Variants in CUX2 observed in about 807,000 individuals in gnomAD.
CUX2 encodes homeobox protein cut-like 2.
A neutral mutation model predicts 144.8 loss-of-function variants in CUX2; 40 were observed. The observed-to-expected ratio is 0.28, with a 90% confidence interval of 0.21 to 0.36. CUX2 has a LOEUF of 0.36. Ranked by LOEUF, CUX2 falls within the 10% of genes least tolerant of loss-of-function variation. The probability of loss-of-function intolerance (pLI) is 1.00; values close to 1 mark genes in which losing one functional copy is unlikely to be tolerated. For missense variants in CUX2, 1,615 were observed against 1,994.0 expected, an observed-to-expected ratio of 0.81 and a Z score of 3.62; for synonymous variants, 827 against 875.6, an observed-to-expected ratio of 0.94 and a Z score of 0.98.
rs375986391 is a variant in CUX2 at position 111,068,876 on chromosome 12, C to T, written c.63+34636C>T. Among the ~76,000 whole-genome samples, 20 of 151,768 alleles carry T rather than the reference C, an allele frequency of 1.3e-4. No individual in the cohort carries two copies. The highest frequency in any genetic ancestry group is 3.6e-4 in the African/African-American group (15 of 41,298). On this transcript the variant is annotated intron_variant, in intron 1 of 21. Coordinates refer to ENST00000261726, the MANE Select transcript of CUX2 (RefSeq NM_015267.4). The surrounding 1 kb of genome is among the most constrained non-coding windows in gnomAD (Gnocchi z 4.9). ...ATCCCAGCACTTTGGGAGGCCGAGG[C>T]GGGTGGATCATTTGAGGTCAGGAGT...
intron 1 of CUX2, among the ~76,000 whole-genome samples, chr12:111,087,466 T>C (rs114638555): frequency 0.011 from 1,593 of 151,456 alleles, 35 homozygotes; most frequent in African/African-American, 0.036. Flanking sequence ...GGTGGCTTCA[T>C]CTTGATGCAA....
chr12:111,193,391 A>G (rs1321773885), intron 1 of CUX2, among the ~76,000 whole-genome samples: 2 of 152,246 alleles, frequency 1.3e-5, no homozygotes, highest in East Asian at 3.8e-4. Flanking sequence ...ACACGCTGGT[A>G]ATGGGCATAA....
Position 111,295,845 on chromosome 12 carries a change from G to T in CUX2, c.637+436G>T, listed in dbSNP as rs1270341701. Among the ~76,000 whole-genome samples the T allele has an allele frequency of 6.6e-6, 1 of 151,944 alleles. No individual in the cohort carries two copies. Among genetic ancestry groups the T allele is most frequent in the Non-Finnish European group, 1.5e-5 (1 of 67,998 alleles). ...CCGACTTAGGGGAGGCGTTGGGGAG[G>T]GGTGAGGTCTGGGGCAAACTGGAGA... is the stretch of plus-strand genomic sequence containing the variant. On this transcript the variant is annotated intron_variant, in intron 7 of 21. Coordinates refer to ENST00000261726, the MANE Select transcript of CUX2 (RefSeq NM_015267.4). The surrounding 1 kb of genome is among the most constrained non-coding windows in gnomAD (Gnocchi z 5.0).
intron 1 of CUX2, among the ~76,000 whole-genome samples, chr12:111,166,105 A>C (rs1878124715): frequency 6.6e-6 from 1 of 152,068 alleles, no homozygotes; most frequent in South Asian, 2.1e-4. Flanking sequence ...TGCAGCCTCA[A>C]CCTCCTGGGC....
At chr12:111,187,185 C>T (rs1316546000) in intron 1 of CUX2, among the ~76,000 whole-genome samples, 1 of 152,182 alleles carries the variant, frequency 6.6e-6, no homozygotes, top group Non-Finnish European at 1.5e-5. Flanking sequence ...TGGCGTTATT[C>T]GTGCTTCCTG....
chr12:111,056,132 T>C (rs1870513108), intron 1 of CUX2, among the ~76,000 whole-genome samples: 2 of 152,232 alleles, frequency 1.3e-5, no homozygotes, highest in Non-Finnish European at 2.9e-5. Flanking sequence ...GACAGATCCA[T>C]GGATGCGTTT....
chr12:111,263,655 C>CAA lies in CUX2; in HGVS notation c.223-101_223-100dup. ...CAAAACAAAACAAAACAAAACAAAACAAAAAACCTGCAGATGTTTTCTTGT... is the reference window on the plus strand; with the variant it reads ...CAAAACAAAACAAAACAAAACAAAACAAAAAAAACCTGCAGATGTTTTCTTGT... On this transcript the variant is annotated intron_variant, in intron 3 of 21. Transcript: ENST00000261726. The surrounding 1 kb of genome is among the most constrained non-coding windows in gnomAD (Gnocchi z 4.0). The CAA allele has an allele frequency of 1.1e-6, 1 of 925,290 alleles. No homozygotes were observed. Among genetic ancestry groups the CAA allele is most frequent in the Non-Finnish European group, 1.7e-6 (1 of 575,640 alleles). The allele number at this position is 925,290 out of a possible 1,614,324, so 57.3% of individuals were successfully genotyped here.
chr12:111,312,043 TC>T lies in CUX2; in HGVS notation c.1901-55del. On this transcript the variant is annotated intron_variant, in intron 15 of 21. Transcript: ENST00000261726. This position sits in a 1 kb window ranked among gnomAD's most constrained non-coding sequence, Gnocchi z 4.3. ...AGACAGCCCCCCTACCCCACCAGGCTCCGGAGACTGAGCCCAACATGCAGAT... is the reference window on the plus strand; with the variant it reads ...AGACAGCCCCCCTACCCCACCAGGCTCGGAGACTGAGCCCAACATGCAGAT... 1 of 1,512,448 alleles carries T rather than the reference TC, an allele frequency of 6.6e-7. No individual in the cohort carries two copies. Among genetic ancestry groups the T allele is most frequent in the Admixed American group, 1.8e-5 (1 of 54,926 alleles). The allele number at this position is 1,512,448 out of a possible 1,614,324, so 93.7% of individuals were successfully genotyped here. A position where few individuals can be genotyped will look rare whatever the true frequency, so the allele number is the denominator to read the frequency against.
At chr12:111,200,076 C>A (rs892863960) in intron 1 of CUX2, among the ~76,000 whole-genome samples, 3 of 151,954 alleles carry the variant, frequency 2.0e-5, no homozygotes, top group Admixed American at 1.3e-4. Context: ...GGGGAGAGAG[C>A]ATTTGGAGAG....
At position 111,166,989 on chromosome 12, in the gene CUX2, T is replaced by C. The variant is rs564707671; in HGVS notation, c.64-47211T>C. Among the ~76,000 whole-genome samples the C allele has an allele frequency of 9.2e-5, 14 of 152,200 alleles. No individual in the cohort carries two copies. The South Asian group carries it at 2.9e-3, about 32-fold the overall frequency. ...AATTATTCGGCAACCTTGCCTGGGATAGCTTGGAATGGATTGTGGCAGGGC... is the reference window on the plus strand; with the variant it reads ...AATTATTCGGCAACCTTGCCTGGGACAGCTTGGAATGGATTGTGGCAGGGC... On this transcript the variant is annotated intron_variant, in intron 1 of 21. Transcript: ENST00000261726.
chr12:111,047,730 G>A (rs1284433469), intron 1 of CUX2, among the ~76,000 whole-genome samples: 2 of 152,208 alleles, frequency 1.3e-5, no homozygotes, highest in East Asian at 1.9e-4. Context: ...TCTTGAGCAC[G>A]TGCTATAGGC....
chr12:111,221,659 A>G (rs1342995787), intron 3 of CUX2, among the ~76,000 whole-genome samples: 1 of 152,180 alleles, frequency 6.6e-6, no homozygotes, highest in Non-Finnish European at 1.5e-5. Flanking sequence ...ACCATGAAAT[A>G]TACCATGTTC....
chr12:111,310,744 G>T lies in CUX2; in HGVS notation c.1900+62G>T. 2 of 1,514,990 alleles carry T rather than the reference G, an allele frequency of 1.3e-6. No individual in the cohort carries two copies. Among genetic ancestry groups the T allele is most frequent in the Non-Finnish European group, 1.8e-6 (2 of 1,129,774 alleles). The allele number at this position is 1,514,990 out of a possible 1,614,324, so 93.8% of individuals were successfully genotyped here. A position where few individuals can be genotyped will look rare whatever the true frequency, so the allele number is the denominator to read the frequency against. On this transcript the variant is annotated intron_variant, in intron 15 of 21. Transcript: ENST00000261726. The surrounding 1 kb of genome is among the most constrained non-coding windows in gnomAD (Gnocchi z 7.9). ...ACGCCAGGTCCAGGGCATCAGGGCT[G>T]GGGGCTGAGGACACGCGCTCTGGGT...
At position 111,344,193 on chromosome 12, in the gene CUX2, G is replaced by C. The variant is rs370690574; in HGVS notation, c.3659+2140G>C. On this transcript the variant is annotated intron_variant, in intron 21 of 21. Coordinates refer to ENST00000261726, the MANE Select transcript of CUX2 (RefSeq NM_015267.4). ...GATATGGGGACATCTTCTCCTCTCT[G>C]ATTCCCCACAGGAACTGAGCACTCC... 2.0e-5 allele frequency among the ~76,000 whole-genome samples: 3 copies of C among 152,180 alleles called. No homozygotes were observed. The East Asian group carries it at 5.8e-4, about 29-fold the overall frequency.
rs762293458 is a variant in CUX2 at position 111,350,075 on chromosome 12, G to T, written c.*1750G>T. Reference sequence around the variant, plus strand: ...CCATACACCCAGGCTATGCATTGAAGAGTTTTCCACTGTATACATTTTTAT... The same window carrying T: ...CCATACACCCAGGCTATGCATTGAATAGTTTTCCACTGTATACATTTTTAT... On this transcript the variant is annotated 3_prime_UTR_variant, in exon 22 of 22. Transcript: ENST00000261726. 1 of 152,600 alleles carries T rather than the reference G, an allele frequency of 6.6e-6. No homozygotes were observed. The highest frequency in any genetic ancestry group is 2.4e-5 in the African/African-American group (1 of 41,436). 9.5% of individuals were successfully genotyped at this position (152,600 alleles called of 1,614,324 possible).
chr12:111,104,797 C>T (rs2136074030), intron 1 of CUX2, among the ~76,000 whole-genome samples: 1 of 152,322 alleles, frequency 6.6e-6, no homozygotes, highest in East Asian at 1.9e-4. Context: ...CCTGCAAGTT[C>T]ATGGAACACC....
intron 5 of CUX2, 136 bp downstream of exon 5, chr12:111,291,688 G>A (rs1158073187): frequency 2.0e-6 from 2 of 985,922 alleles, no homozygotes; most frequent in Admixed American, 3.5e-5. Flanking sequence ...TAACCATCTA[G>A]TTCCTGGGTA....
chr12:111,071,940 T>A (rs1011401309), intron 1 of CUX2, among the ~76,000 whole-genome samples: 4 of 152,256 alleles, frequency 2.6e-5, no homozygotes, highest in African/African-American at 4.8e-5. Flanking sequence ...TGTGGGTCTA[T>A]TTCTGGGCTC....
intron 1 of CUX2, among the ~76,000 whole-genome samples, chr12:111,087,490 A>G (rs1015139395): frequency 1.3e-5 from 2 of 152,078 alleles, no homozygotes; most frequent in Admixed American, 6.5e-5. Flanking sequence ...ATGTTTTACT[A>G]GCAGGTAATA....
Sources: allele counts gnomAD v4.1 joint callset (sites outside exome capture counted in the v4.1 genomes callset), GRCh38; gene constraint gnomAD v4.1.1; non-coding constraint Gnocchi (gnomAD v3.1); transcripts MANE v1.5; gene names NCBI Gene and HGNC (gene_info 2026-07-23, HGNC 2026-07-21).